The following PKHD1 variants were observed in gnomAD, a reference collection of about 807,000 sequenced individuals.
PKHD1 encodes the protein PKHD1 ciliary IPT domain containing fibrocystin/polyductin.
Under a neutral mutation model 412.0 loss-of-function variants are expected in PKHD1, and 291 were observed. The observed-to-expected ratio is 0.71, with a 90% CI of 0.64 to 0.78. The LOEUF (loss-of-function observed/expected upper bound fraction) is 0.78. Ranked by LOEUF, PKHD1 falls within the 30% of genes least tolerant of loss-of-function variation. The probability of loss-of-function intolerance (pLI) is 0.00; values close to 1 mark genes in which losing one functional copy is unlikely to be tolerated. For missense variants in PKHD1, 4,825 were observed against 4,950.7 expected (o/e 0.97, Z 0.76); for synonymous variants, 1,777 against 1,821.5 (o/e 0.98, Z 0.62).
chr6:51,982,596 A>C (rs1376644139), intron 35 of PKHD1, among the ~76,000 whole-genome samples: 1 of 147,510 alleles, frequency 6.8e-6, no homozygotes, highest in Non-Finnish European at 1.5e-5. Context: ...TTTGTTAAAC[A>C]GATGCTTGAA....
chr6:51,956,143 T>C (rs1346084758), intron 36 of PKHD1, among the ~76,000 whole-genome samples: 2 of 152,082 alleles, frequency 1.3e-5, no homozygotes, highest in African/African-American at 4.8e-5. Flanking sequence ...TTTGGTCATA[T>C]GCCTTTTAGA....
intron 48 of PKHD1, among the ~76,000 whole-genome samples, chr6:51,859,525 C>CAAAAAAAAA (rs10638642): frequency 1.1e-4 from 13 of 114,636 alleles, no homozygotes; most frequent in African/African-American, 4.0e-4. Flanking sequence ...GATTCCGTCC[C>CAAAAAAAAA]AAAAAAAAAA....
In PKHD1 at chr6:51,766,371, A is replaced by G. The variant is rs1441831413; in HGVS notation, c.8642+6331T>C. On this transcript the variant is annotated intron_variant, in intron 55 of 66. Transcript: ENST00000371117. ...ATATTTTTATTTCTTTATCTACAAA[A>G]CTAGGCTAGTATGTAAGATTAATTC... Among the ~76,000 whole-genome samples the G allele has an allele frequency of 3.9e-5, 6 of 152,222 alleles. No individual in the cohort carries two copies. The South Asian group carries it at 1.2e-3, about 32-fold the overall frequency.
intron 60 of PKHD1, among the ~76,000 whole-genome samples, chr6:51,719,061 T>C (rs1781594940): frequency 6.6e-6 from 1 of 151,950 alleles, no homozygotes; most frequent in Admixed American, 6.6e-5. Context: ...TATATTAACA[T>C]GACAGCTTCA....
rs747308045 is a variant in PKHD1, at chr6:52,024,805, T to C, written c.5005A>G (p.Ile1669Val). The change falls in exon 32 of 67, where the codon ATC becomes GTC. Residue 1669 changes from isoleucine to valine, a missense_variant. Transcript: ENST00000371117. Reference protein sequence around the residue: ...ELISISQSDDILTFAVAQISG... With the variant: ...ELISISQSDDVLTFAVAQISG... Reference sequence around the variant, plus strand: ...ATCTGGGCCACTGCAAAGGTTAAGATGTCATCGCTCTGAGAAATAGAGATC... The same window carrying C: ...ATCTGGGCCACTGCAAAGGTTAAGACGTCATCGCTCTGAGAAATAGAGATC... The C allele has an allele frequency of 1.9e-5, 30 of 1,614,218 alleles. No individual in the cohort carries two copies. Among genetic ancestry groups the C allele is most frequent in the East Asian group, 4.5e-5 (2 of 44,880 alleles).
chr6:51,689,138 C>T (rs1469098589), intron 60 of PKHD1, among the ~76,000 whole-genome samples: 1 of 152,154 alleles, frequency 6.6e-6, no homozygotes, highest in Admixed American at 6.5e-5. Flanking sequence ...ACATCAAAAG[C>T]TTATCCATCA....
At chr6:51,852,477 ATCTG>A (rs1483887931) in intron 49 of PKHD1, among the ~76,000 whole-genome samples, 3 of 152,282 alleles carry the variant, frequency 2.0e-5, no homozygotes, top group Admixed American at 1.3e-4. Flanking sequence ...TGTCTCATTG[ATCTG>A]TCTAATACTG....
At chr6:51,798,356 G>A (rs2151306009) in intron 52 of PKHD1, among the ~76,000 whole-genome samples, 1 of 149,708 alleles carries the variant, frequency 6.7e-6, no homozygotes, top group South Asian at 2.2e-4. Context: ...CCAGCCTGGG[G>A]TACAGAGGAA....
In PKHD1 at chr6:51,616,704, A is replaced by G; in HGVS notation, c.*2377T>C. On this transcript the variant is annotated 3_prime_UTR_variant, in exon 67 of 67. Coordinates refer to ENST00000371117, the MANE Select transcript of PKHD1 (RefSeq NM_138694.4). ...CTCAGGGATCACAGGCTTTTCTGGG[A>G]TGGAATTAGTAAGATAATTATGGTT... 1 of 398,488 alleles carries G rather than the reference A, an allele frequency of 2.5e-6. No homozygotes were observed. The allele number at this position is 398,488 out of a possible 1,614,324, so 24.7% of individuals were successfully genotyped here. A position where few individuals can be genotyped will look rare whatever the true frequency, so the allele number is the denominator to read the frequency against.
chr6:51,620,533 C>A (rs1246062259), intron 66 of PKHD1, among the ~76,000 whole-genome samples: 1 of 151,906 alleles, frequency 6.6e-6, no homozygotes, highest in Non-Finnish European at 1.5e-5. Flanking sequence ...GTTTACTGTC[C>A]CTGCTTTTCT....
intron 55 of PKHD1, among the ~76,000 whole-genome samples, chr6:51,766,524 G>A (rs971148924): frequency 1.3e-5 from 2 of 151,756 alleles, no homozygotes; most frequent in African/African-American, 4.8e-5. Context: ...TAGTAAAGAT[G>A]ACCATTTTTT....
In PKHD1 at chr6:52,071,821, G is replaced by A. The variant is rs1399956838; in HGVS notation, c.602+294C>T. ...CCATACATACTCCCAAGATTATTGG[G>A]TGACTTCAATGTAAAGCATTCGAGC... On this transcript the variant is annotated intron_variant, in intron 8 of 66. Transcript: ENST00000371117. Among the ~76,000 whole-genome samples the A allele has an allele frequency of 2.0e-5, 3 of 152,222 alleles. No individual in the cohort carries two copies. The East Asian group carries it at 5.8e-4, about 29-fold the overall frequency.
chr6:51,675,700 G>A (rs1775727016), intron 60 of PKHD1, among the ~76,000 whole-genome samples: 1 of 152,332 alleles, frequency 6.6e-6, no homozygotes, highest in South Asian at 2.1e-4. Context: ...AAGTGACACA[G>A]CCTGTCAGGG....
intron 53 of PKHD1, among the ~76,000 whole-genome samples, chr6:51,790,694 C>T (rs1793602409): frequency 6.6e-6 from 1 of 152,162 alleles, no homozygotes; most frequent in South Asian, 2.1e-4. Context: ...CTGTGGCTAC[C>T]TTGTATTTGC....
intron 35 of PKHD1, among the ~76,000 whole-genome samples, chr6:51,981,532 T>G (rs1255107764): frequency 2.6e-5 from 4 of 151,564 alleles, no homozygotes; most frequent in African/African-American, 9.7e-5. Context: ...TTGGCCGGGC[T>G]GGTCTCCAGC....
chr6:51,686,308 G>A (rs549962571), intron 60 of PKHD1, among the ~76,000 whole-genome samples: 43 of 152,178 alleles, frequency 2.8e-4, no homozygotes, highest in African/African-American at 7.5e-4. Context: ...GAACCAGAAC[G>A]CTTTACCTCT....
At chr6:51,825,089 A>G (rs2151478658) in intron 52 of PKHD1, among the ~76,000 whole-genome samples, 1 of 152,342 alleles carries the variant, frequency 6.6e-6, no homozygotes, top group East Asian at 1.9e-4. Context: ...GACAGGGAAG[A>G]CAGCACAAAT....
intron 19 of PKHD1, among the ~76,000 whole-genome samples, chr6:52,054,705 A>G (rs1014658594): frequency 6.6e-6 from 1 of 152,198 alleles, no homozygotes; most frequent in African/African-American, 2.4e-5. Context: ...TGTGCATTAT[A>G]GGATGTTCAA....
intron 60 of PKHD1, among the ~76,000 whole-genome samples, chr6:51,713,649 C>T (rs1261996938): frequency 1.3e-5 from 2 of 152,192 alleles, no homozygotes; most frequent in African/African-American, 2.4e-5. Context: ...TCTGCAGGTT[C>T]TGCAGAGATT....
Sources: gnomAD v4.1 joint callset for allele counts (sites outside exome capture counted in the v4.1 genomes callset) on GRCh38, gnomAD v4.1.1 for gene constraint, MANE v1.5 for transcripts, NCBI Gene and HGNC (gene_info 2026-07-23, HGNC 2026-07-21) for gene names.